The following TMEM132B variants were observed in gnomAD, a reference collection of about 807,000 sequenced individuals.
TMEM132B encodes the protein transmembrane protein 132B.
In TMEM132B, 18 loss-of-function variants were observed where a neutral mutation model predicts 90.8. That is an observed-to-expected ratio of 0.20 (90% CI 0.14 to 0.29). The LOEUF is 0.29. TMEM132B is among the 10% of genes least tolerant of loss of function. The pLI is 1.00. For missense variants in TMEM132B, 1,096 were observed against 1,326.8 expected, an observed-to-expected ratio of 0.83 and a Z score of 2.70; for synonymous variants, 504 against 523.3, an observed-to-expected ratio of 0.96 and a Z score of 0.50.
chr12:125,519,400 AG>A, intron 3 of TMEM132B, 38 bp from the exon 4 acceptor site: 1 of 1,554,692 alleles, frequency 6.4e-7, no homozygotes, highest in South Asian at 1.2e-5. Flanking sequence ...GCTGAGTCTG[AG>A]GTTTTAAATG....
At chr12:125,481,075 G>C (rs976859101) in intron 3 of TMEM132B, among the ~76,000 whole-genome samples, 1 of 151,380 alleles carries the variant, frequency 6.6e-6, no homozygotes, top group African/African-American at 2.4e-5. Context: ...CATGCTAAAA[G>C]CACAATAAAC....
At chr12:125,421,523 C>T (rs1322929646) in intron 3 of TMEM132B, among the ~76,000 whole-genome samples, 1 of 152,210 alleles carries the variant, frequency 6.6e-6, no homozygotes, top group Non-Finnish European at 1.5e-5. Context: ...CAGTTACCTC[C>T]CACTGGGTCC....
Position 125,353,329 on chromosome 12 carries a change from C to G in TMEM132B, c.959+2986C>G, listed in dbSNP as rs184509652. Among the ~76,000 whole-genome samples, 264 of 152,318 alleles carry G rather than the reference C, an allele frequency of 1.7e-3. 5 individuals are homozygous for G. The highest frequency in any genetic ancestry group is 0.017 in the Admixed American group (263 of 15,298). On this transcript the variant is annotated intron_variant, in intron 2 of 8. Transcript: ENST00000682704. ...CCACCCCTTCAGGCAGCCCCTATCACTGCTGTGGGGGGTTGGCACATAAGA... is the reference window on the plus strand; with the variant it reads ...CCACCCCTTCAGGCAGCCCCTATCAGTGCTGTGGGGGGTTGGCACATAAGA...
chr12:125,358,347 A>G (rs1245122420), intron 2 of TMEM132B, among the ~76,000 whole-genome samples: 1 of 149,058 alleles, frequency 6.7e-6, no homozygotes, highest in Non-Finnish European at 1.5e-5. Flanking sequence ...CTAATATCTT[A>G]TGTAACCACA....
intron 4 of TMEM132B, among the ~76,000 whole-genome samples, chr12:125,551,305 A>T (rs1455854024): frequency 6.6e-6 from 1 of 152,254 alleles, no homozygotes; most frequent in Non-Finnish European, 1.5e-5. Context: ...ATCAGCAGTG[A>T]GTGTGACAGA....
intron 2 of TMEM132B, among the ~76,000 whole-genome samples, chr12:125,362,767 C>T (rs562020776): frequency 6.6e-6 from 1 of 152,310 alleles, no homozygotes; most frequent in South Asian, 2.1e-4. Flanking sequence ...TAAAACTTAA[C>T]TTTAAAATAC....
At chr12:125,342,230 G>T (rs951166476) in intron 1 of TMEM132B, among the ~76,000 whole-genome samples, 1 of 152,154 alleles carries the variant, frequency 6.6e-6, no homozygotes, top group Admixed American at 6.5e-5. Flanking sequence ...GGATCATCCT[G>T]AAGTTCTGGG....
chr12:125,301,046 T>C (rs1485513383), intron 1 of TMEM132B: 1 of 152,202 alleles, frequency 6.6e-6, no homozygotes, highest in Non-Finnish European at 1.5e-5. Flanking sequence ...TATATGTATG[T>C]ATGTTGGTAT....
intron 3 of TMEM132B, among the ~76,000 whole-genome samples, chr12:125,467,082 G>A (rs1358959769): frequency 1.3e-5 from 2 of 152,204 alleles, no homozygotes; most frequent in Non-Finnish European, 2.9e-5. Context: ...CAAGGCTTTT[G>A]TTGTACTGCT....
intron 2 of TMEM132B, among the ~76,000 whole-genome samples, chr12:125,361,664 A>T (rs1167541558): frequency 6.6e-6 from 1 of 152,300 alleles, no homozygotes; most frequent in East Asian, 1.9e-4. Context: ...TCCCAAGCTA[A>T]CTGTCACCTG....
chr12:125,504,345 C>T (rs1882776162), intron 3 of TMEM132B, among the ~76,000 whole-genome samples: 1 of 152,108 alleles, frequency 6.6e-6, no homozygotes, highest in African/African-American at 2.4e-5. Context: ...TTTTTAATAT[C>T]TCAAGGTGTT....
In TMEM132B at chr12:125,394,055, C is replaced by T. The variant is rs190751416; in HGVS notation, c.960-21476C>T. On this transcript the variant is annotated intron_variant, in intron 2 of 8. Transcript: ENST00000682704. Reference sequence around the variant, plus strand: ...CTGGAGGGGCAAACAGAGAACAACCCATATAGCCAGGTAGGAACTGAGAAA... The same window carrying T: ...CTGGAGGGGCAAACAGAGAACAACCTATATAGCCAGGTAGGAACTGAGAAA... Among the ~76,000 whole-genome samples the T allele has an allele frequency of 3.0e-3, 454 of 152,238 alleles. 2 individuals carry two copies. Among genetic ancestry groups the T allele is most frequent in the Non-Finnish European group, 4.2e-3 (286 of 68,008 alleles).
At chr12:125,400,035 G>A (rs1426592559) in intron 2 of TMEM132B, among the ~76,000 whole-genome samples, 2 of 152,166 alleles carry the variant, frequency 1.3e-5, no homozygotes, top group African/African-American at 2.4e-5. Context: ...TGCGATGATT[G>A]TTCTTATCTG....
At chr12:125,257,991 A>G (rs987589192) in intron 1 of TMEM132B, among the ~76,000 whole-genome samples, 2 of 152,248 alleles carry the variant, frequency 1.3e-5, no homozygotes, top group Non-Finnish European at 1.5e-5. Flanking sequence ...CACCAAGTTC[A>G]TTTCAGCACA....
At chr12:125,215,460 C>T (rs1033612212) in intron 1 of TMEM132B, among the ~76,000 whole-genome samples, 1 of 152,188 alleles carries the variant, frequency 6.6e-6, no homozygotes, top group Non-Finnish European at 1.5e-5. Flanking sequence ...TCTTCAAAGC[C>T]AGCAGCATAG....
chr12:125,261,981 G>A (rs35982645), intron 1 of TMEM132B, among the ~76,000 whole-genome samples: 1 of 152,168 alleles, frequency 6.6e-6, no homozygotes, highest in African/African-American at 2.4e-5. Context: ...ACAGGAGTGA[G>A]CCACCATGCG....
intron 4 of TMEM132B, among the ~76,000 whole-genome samples, chr12:125,529,834 G>T (rs79791064): frequency 6.6e-6 from 1 of 152,226 alleles, no homozygotes; most frequent in Non-Finnish European, 1.5e-5. Context: ...ATAAGTGCCC[G>T]TTGGCTGCTC....
In TMEM132B at chr12:125,653,889, A is replaced by G; in HGVS notation, c.2431A>G (p.Ile811Val). Residue 811 changes from isoleucine (I) to valine (V), a missense_variant, in exon 9 of 9, where the codon ATA (isoleucine) becomes GTA (valine). Transcript: ENST00000682704. Reference protein sequence around the residue: ...HQGGSNDIEGINREYKDHLSN... With the variant: ...HQGGSNDIEGVNREYKDHLSN... ...AGGAGGCAGCAATGATATTGAGGGC[A>G]TAAATCGGGAATATAAAGACCACCT... The G allele has an allele frequency of 6.2e-7, 1 of 1,614,180 alleles. No individual in the cohort carries two copies. Among genetic ancestry groups the G allele is most frequent in the Non-Finnish European group, 8.5e-7 (1 of 1,180,040 alleles).
intron 5 of TMEM132B, among the ~76,000 whole-genome samples, chr12:125,598,482 A>G (rs904552196): frequency 6.6e-6 from 1 of 152,204 alleles, no homozygotes; most frequent in Non-Finnish European, 1.5e-5. Flanking sequence ...GCCATCTGCA[A>G]CTTGCCTAAA....
Sources: allele counts gnomAD v4.1 joint callset (sites outside exome capture counted in the v4.1 genomes callset), GRCh38; gene constraint gnomAD v4.1.1; transcripts MANE v1.5; gene names NCBI Gene and HGNC (gene_info 2026-07-23, HGNC 2026-07-21).